Variants in DPP10 observed in about 807,000 individuals in gnomAD.
The protein encoded by DPP10 is dipeptidyl peptidase like 10, also known as inactive dipeptidyl peptidase 10.
A neutral mutation model predicts 120.9 loss-of-function variants in DPP10; 33 were observed. That is an observed-to-expected ratio of 0.27 (90% CI 0.21 to 0.37). The LOEUF is 0.37. Among genes scored for constraint, DPP10 ranks in the 10% least tolerant of loss-of-function variants. The probability of loss-of-function intolerance (pLI) is 1.00; values close to 1 mark genes in which losing one functional copy is unlikely to be tolerated. For missense variants in DPP10, 816 were observed against 942.8 expected, an observed-to-expected ratio of 0.87 and a Z score of 1.76; for synonymous variants, 337 against 326.1, an observed-to-expected ratio of 1.03 and a Z score of -0.36.
intron 1 of DPP10, among the ~76,000 whole-genome samples, chr2:115,280,569 A>T (rs546183267): frequency 5.3e-5 from 8 of 152,360 alleles, no homozygotes; most frequent in Non-Finnish European, 1.0e-4. Context: ...CAGTGGGAAA[A>T]TAGTTTGCTA....
At chr2:115,215,567 T>C (rs1574039819) in intron 1 of DPP10, among the ~76,000 whole-genome samples, 4 of 152,182 alleles carry the variant, frequency 2.6e-5, no homozygotes, top group South Asian at 2.1e-4. Flanking sequence ...GGTGGGAATA[T>C]GTATTAATGC....
At chr2:115,223,823 C>T (rs1470537574) in intron 1 of DPP10, among the ~76,000 whole-genome samples, 1 of 152,108 alleles carries the variant, frequency 6.6e-6, no homozygotes, top group Admixed American at 6.6e-5. Flanking sequence ...ATGTTTATCA[C>T]ATCAGTACGA....
intron 1 of DPP10, among the ~76,000 whole-genome samples, chr2:114,909,509 C>T (rs970744233): frequency 6.6e-6 from 1 of 151,914 alleles, no homozygotes; most frequent in African/African-American, 2.4e-5. Flanking sequence ...TCCAGATTCC[C>T]TAAAATGCAT....
intron 2 of DPP10, among the ~76,000 whole-genome samples, chr2:115,329,150 G>T (rs888028104): frequency 9.9e-5 from 15 of 152,020 alleles, no homozygotes; most frequent in African/African-American, 3.6e-4. Flanking sequence ...AAAACAGAAA[G>T]AAGCAGATAA....
chr2:114,854,878 G>C (rs1689251743), intron 1 of DPP10, among the ~76,000 whole-genome samples: 1 of 152,182 alleles, frequency 6.6e-6, no homozygotes, highest in South Asian at 2.1e-4. Context: ...TTTACAGTGT[G>C]AGAGTATGTA....
At chr2:115,245,602 G>A (rs4849389) in intron 1 of DPP10, among the ~76,000 whole-genome samples, 16,466 of 152,028 alleles carry the variant, frequency 0.11, 964 homozygotes, top group Middle Eastern at 0.15. Flanking sequence ...TAGAATTACC[G>A]TTTGATCCAG....
intron 19 of DPP10, among the ~76,000 whole-genome samples, chr2:115,812,530 TTCTAG>T (rs1374219329): frequency 6.6e-6 from 1 of 152,134 alleles, no homozygotes; most frequent in Non-Finnish European, 1.5e-5. Flanking sequence ...GACATCAGAC[TTCTAG>T]GTTACAGCAT....
At chr2:115,224,367 T>C (rs2057329969) in intron 1 of DPP10, among the ~76,000 whole-genome samples, 1 of 152,148 alleles carries the variant, frequency 6.6e-6, no homozygotes, top group Admixed American at 6.6e-5. Context: ...TTTCTGTGGC[T>C]GGAGGTTAGA....
intron 1 of DPP10, among the ~76,000 whole-genome samples, chr2:115,236,113 A>G (rs775664783): frequency 2.6e-5 from 4 of 152,346 alleles, no homozygotes; most frequent in South Asian, 2.1e-4. Context: ...AATATTCATT[A>G]TGATAATTGT....
At chr2:115,383,359 A>T (rs2066573242) in intron 3 of DPP10, among the ~76,000 whole-genome samples, 1 of 152,172 alleles carries the variant, frequency 6.6e-6, no homozygotes, top group African/African-American at 2.4e-5. Flanking sequence ...ACCATGTGAG[A>T]CATGCCTTTC....
intron 5 of DPP10, among the ~76,000 whole-genome samples, chr2:115,624,239 T>C (rs917739893): frequency 6.6e-6 from 1 of 152,194 alleles, no homozygotes; most frequent in Non-Finnish European, 1.5e-5. Context: ...AATTGACTTC[T>C]ATAAATTTTT....
chr2:114,837,322 G>T (rs1421457106), intron 1 of DPP10, among the ~76,000 whole-genome samples: 4 of 152,122 alleles, frequency 2.6e-5, no homozygotes, highest in Admixed American at 2.6e-4. Context: ...CATGTCTTCA[G>T]CCGGTCCCTC....
chr2:115,772,052 A>C (rs923130671), intron 13 of DPP10, among the ~76,000 whole-genome samples: 1 of 151,730 alleles, frequency 6.6e-6, no homozygotes, highest in Non-Finnish European at 1.5e-5. Flanking sequence ...ATTCCAAAGG[A>C]TACAAATAAA....
chr2:115,385,376 ACAGAGTTTCG>A (rs1300601327), intron 3 of DPP10, among the ~76,000 whole-genome samples: 13 of 149,378 alleles, frequency 8.7e-5, no homozygotes, highest in Non-Finnish European at 1.6e-4. Flanking sequence ...TTAAATCAAG[ACAGAGTTTCG>A]CTCTTGTCGC....
Position 114,740,802 on chromosome 2 carries a change from G to C in DPP10, c.60+297964G>C, listed in dbSNP as rs112526350. Among the ~76,000 whole-genome samples, 960 of 152,274 alleles carry C rather than the reference G, an allele frequency of 6.3e-3. 16 individuals are homozygous for C. Among genetic ancestry groups the C allele is most frequent in the African/African-American group, 0.022 (917 of 41,572 alleles). ...CAAGTGATTAGGTTGCTTTCCAAAA[G>C]TTTGGTCCTATTTCAGTCGTTTAAA... On this transcript the variant is annotated intron_variant, in intron 1 of 25. Coordinates refer to ENST00000410059, the MANE Select transcript of DPP10 (RefSeq NM_020868.6).
intron 19 of DPP10, among the ~76,000 whole-genome samples, chr2:115,793,780 T>C (rs928956586): frequency 6.6e-6 from 1 of 152,058 alleles, no homozygotes; most frequent in African/African-American, 2.4e-5. Context: ...TAATTGACAT[T>C]ATCCACACTT....
chr2:114,723,965 C>T (rs546344618), intron 1 of DPP10, among the ~76,000 whole-genome samples: 3 of 151,978 alleles, frequency 2.0e-5, no homozygotes, highest in African/African-American at 4.8e-5. Context: ...ATAGGCCCAA[C>T]AAAAGTAATG....
chr2:114,939,013 A>G (rs1696693220), intron 1 of DPP10, among the ~76,000 whole-genome samples: 1 of 152,096 alleles, frequency 6.6e-6, no homozygotes, highest in South Asian at 2.1e-4. Flanking sequence ...TATATTTCCC[A>G]TACTTATGAG....
chr2:115,727,811 T>C lies in DPP10; in HGVS notation c.577-5T>C. 6.3e-7 allele frequency: 1 copy of C among 1,580,278 alleles called. No individual in the cohort carries two copies. The highest frequency in any genetic ancestry group is 8.6e-7 in the Non-Finnish European group (1 of 1,167,646). On this transcript the variant is annotated splice_region_variant and splice_polypyrimidine_tract_variant and intron_variant, in intron 7 of 25. Coordinates refer to ENST00000410059, the MANE Select transcript of DPP10 (RefSeq NM_020868.6). ...TTTTTGTTTGTTTCACATTTCCTGA[T>C]CCAGATTTATATTTTTGAAAATAAT... is the stretch of plus-strand genomic sequence containing the variant.
Sources: gnomAD v4.1 joint callset for allele counts (sites outside exome capture counted in the v4.1 genomes callset) on GRCh38, gnomAD v4.1.1 for gene constraint, MANE v1.5 for transcripts, NCBI Gene and HGNC (gene_info 2026-07-23, HGNC 2026-07-21) for gene names.